CCDC102B: variants seen among roughly 807,000 people sequenced by gnomAD.
CCDC102B encodes coiled-coil domain containing 102B, also known as coiled-coil domain-containing protein 102B.
In CCDC102B, 75 loss-of-function variants were observed where a neutral mutation model predicts 57.4. That is an observed-to-expected ratio of 1.31 (90% CI 1.08 to 1.58). CCDC102B has a LOEUF of 1.58. Among genes scored for constraint, CCDC102B ranks in the 40% most tolerant of loss-of-function variants. CCDC102B has a pLI of 0.00. For missense variants in CCDC102B, 636 were observed against 582.6 expected, an observed-to-expected ratio of 1.09 and a Z score of -0.94; for synonymous variants, 206 against 201.9, an observed-to-expected ratio of 1.02 and a Z score of -0.17.
chr18:68,790,483 C>T (rs563201810), intron 2 of CCDC102B, among the ~76,000 whole-genome samples: 326 of 152,182 alleles, frequency 2.1e-3, no homozygotes, highest in African/African-American at 6.4e-3. Context: ...ATCAGCGAGA[C>T]TCCGAGGGCG....
intron 1 of CCDC102B, among the ~76,000 whole-genome samples, chr18:68,830,605 A>C (rs574622732): frequency 6.6e-6 from 1 of 151,492 alleles, no homozygotes; most frequent in South Asian, 2.1e-4. Context: ...GATTATATAT[A>C]CATGTATATG....
At chr18:68,989,244 C>T (rs1240844904) in intron 6 of CCDC102B, among the ~76,000 whole-genome samples, 1 of 151,980 alleles carries the variant, frequency 6.6e-6, no homozygotes, top group African/African-American at 2.4e-5. Flanking sequence ...ATATTGGCTC[C>T]CTTTGAAAGA....
At chr18:68,942,216 T>C (rs2049396951) in intron 6 of CCDC102B, among the ~76,000 whole-genome samples, 1 of 152,112 alleles carries the variant, frequency 6.6e-6, no homozygotes, top group South Asian at 2.1e-4. Context: ...ATTTCAACTT[T>C]AAGAGTCCAT....
chr18:68,945,766 A>C (rs891616962), intron 6 of CCDC102B, among the ~76,000 whole-genome samples: 1 of 152,028 alleles, frequency 6.6e-6, no homozygotes, highest in Non-Finnish European at 1.5e-5. Context: ...AGGATCCTTA[A>C]AGAACTGTCC....
chr18:68,814,394 T>C (rs2036397653), intron 1 of CCDC102B, among the ~76,000 whole-genome samples: 2 of 152,086 alleles, frequency 1.3e-5, no homozygotes, highest in African/African-American at 2.4e-5. Context: ...AATAAACTGG[T>C]TTCATCAAGA....
At chr18:69,002,509 C>A (rs2051230577) in intron 6 of CCDC102B, among the ~76,000 whole-genome samples, 1 of 152,122 alleles carries the variant, frequency 6.6e-6, no homozygotes, top group South Asian at 2.1e-4. Context: ...GAAATATGAA[C>A]CCAGTCCTTG....
chr18:69,036,302 C>T lies in CCDC102B; in HGVS notation c.1435-17728C>T, dbSNP rs12604642. ...AAATTATGAAGACTTAGAATATAGC[C>T]GAATCCTTGTTATATTATCCGTTTG... On this transcript the variant is annotated intron_variant, in intron 7 of 7. Coordinates refer to ENST00000360242, the MANE Select transcript of CCDC102B (RefSeq NM_024781.3). Among the ~76,000 whole-genome samples, 29 of 152,012 alleles carry T rather than the reference C, an allele frequency of 1.9e-4. No homozygotes were observed. In the East Asian group the frequency reaches 5.0e-3, roughly 26 times the overall value.
At chr18:68,880,046 G>A (rs1442300037) in intron 5 of CCDC102B, among the ~76,000 whole-genome samples, 1 of 152,216 alleles carries the variant, frequency 6.6e-6, no homozygotes. Context: ...TGGAGCAGGG[G>A]GCGGTGCTCA....
Position 68,909,625 on chromosome 18 carries a change from A to G in CCDC102B, c.1263+12197A>G, listed in dbSNP as rs528842130. The stretch of plus-strand genomic sequence containing the variant: ...GGATGAAAAAACTCTGATATTGAAT[A>G]TACAAAATATAATATTTTTGAGAAG... On this transcript the variant is annotated intron_variant, in intron 6 of 7. Transcript: ENST00000360242. 3.9e-5 allele frequency among the ~76,000 whole-genome samples: 6 copies of G among 152,354 alleles called. No individual in the cohort carries two copies. In the South Asian group the frequency reaches 1.2e-3, roughly 32 times the overall value.
At chr18:68,883,909 C>T (rs2039782844) in intron 5 of CCDC102B, among the ~76,000 whole-genome samples, 1 of 152,136 alleles carries the variant, frequency 6.6e-6, no homozygotes, top group Non-Finnish European at 1.5e-5. Flanking sequence ...TTTTTAGTAA[C>T]TCATTCTTAA....
intron 2 of CCDC102B, among the ~76,000 whole-genome samples, chr18:68,790,787 T>G (rs1441852315): frequency 2.0e-5 from 3 of 152,206 alleles, no homozygotes; most frequent in Non-Finnish European, 4.4e-5. Context: ...AATCACCGTC[T>G]TCTGCGTCGC....
intron 2 of CCDC102B, among the ~76,000 whole-genome samples, chr18:68,774,747 A>C (rs2034752908): frequency 6.6e-6 from 1 of 152,040 alleles, no homozygotes; most frequent in Non-Finnish European, 1.5e-5. Context: ...GTAATTTTAC[A>C]TGGTCTCAAA....
rs1555725393 is a variant in CCDC102B at position 68,913,310 on chromosome 18, C to CTGTATG, written c.1263+15885_1263+15886insATGTGT. Among the ~76,000 whole-genome samples the CTGTATG allele has an allele frequency of 3.7e-5, 5 of 135,594 alleles. No homozygotes were observed. The East Asian group carries it at 7.0e-4, about 19-fold the overall frequency. 89.0% of individuals were successfully genotyped at this position (135,594 alleles called of 152,430 possible). ...TAATTTTCCATTGGATGGTTAGTGT[C>CTGTATG]TGTGTGTGTGTGTGTGTGTGTGTGT... On this transcript the variant is annotated intron_variant, in intron 6 of 7. Transcript: ENST00000360242.
In CCDC102B at chr18:68,874,170, A is replaced by ATG. The variant is rs34176363; in HGVS notation, c.937-457_937-456dup. On this transcript the variant is annotated intron_variant, in intron 4 of 7. Coordinates refer to ENST00000360242, the MANE Select transcript of CCDC102B (RefSeq NM_024781.3). ...TTATCAGCCCAAGCAGTGTGTGTGT[A>ATG]TGTGTGTGTGTGTGTGTGTGTGTGT... Among the ~76,000 whole-genome samples the ATG allele has an allele frequency of 1.4e-3, 195 of 138,334 alleles. 1 individual carries two copies. Among genetic ancestry groups the ATG allele is most frequent in the African/African-American group, 4.2e-3 (154 of 36,444 alleles). 90.8% of individuals were successfully genotyped at this position (138,334 alleles called of 152,430 possible). A position where few individuals can be genotyped will look rare whatever the true frequency, so the allele number is the denominator to read the frequency against.
In CCDC102B at chr18:68,973,967, C is replaced by G. The variant is rs567391272; in HGVS notation, c.1264-36967C>G. ...TAGCGGCTGCAACATCAAGTCTTCT[C>G]CAAAGCTGAGCCACTCTCTATATAA... On this transcript the variant is annotated intron_variant, in intron 6 of 7. Transcript: ENST00000360242. 2.0e-5 allele frequency among the ~76,000 whole-genome samples: 3 copies of G among 152,158 alleles called. No individual in the cohort carries two copies. The East Asian group carries it at 5.8e-4, about 29-fold the overall frequency.
intron 5 of CCDC102B, among the ~76,000 whole-genome samples, chr18:68,880,108 G>A (rs1196169533): frequency 6.6e-6 from 1 of 152,202 alleles, no homozygotes; most frequent in African/African-American, 2.4e-5. Flanking sequence ...GAAGGCTCAG[G>A]CATGGCGGGC....
chr18:69,051,716 AAC>A (rs2052709335), intron 7 of CCDC102B, among the ~76,000 whole-genome samples: 1 of 152,070 alleles, frequency 6.6e-6, no homozygotes, highest in Admixed American at 6.6e-5. Context: ...TTATAAAAGA[AAC>A]TTTATACATC....
intron 5 of CCDC102B, among the ~76,000 whole-genome samples, chr18:68,881,100 A>T (rs1471602505): frequency 6.6e-6 from 1 of 152,230 alleles, no homozygotes; most frequent in African/African-American, 2.4e-5. Context: ...CAAAACAATT[A>T]TGCTTTGCAA....
chr18:68,976,067 T>C (rs558326319), intron 6 of CCDC102B, among the ~76,000 whole-genome samples: 1 of 152,150 alleles, frequency 6.6e-6, no homozygotes, highest in Non-Finnish European at 1.5e-5. Context: ...CTCAGTTAAA[T>C]AATATTTTTT....
Sources: allele counts gnomAD v4.1 joint callset (sites outside exome capture counted in the v4.1 genomes callset), GRCh38; gene constraint gnomAD v4.1.1; transcripts MANE v1.5; gene names NCBI Gene and HGNC (gene_info 2026-07-23, HGNC 2026-07-21).